GALNT18: variants seen among roughly 807,000 people sequenced by gnomAD.
GALNT18 encodes GalNAc-transferase 18.
Under a neutral mutation model 69.5 loss-of-function variants are expected in GALNT18, and 44 were observed. The ratio of observed to expected loss-of-function variants is 0.63; its 90% CI spans 0.50 to 0.81. GALNT18 has a LOEUF of 0.81. GALNT18 is among the 40% of genes least tolerant of loss of function. The pLI is 0.00. For synonymous variants in GALNT18, 364 were observed against 318.2 expected, an observed-to-expected ratio of 1.14 and a Z score of -1.53; for missense variants, 715 against 810.0, an observed-to-expected ratio of 0.88 and a Z score of 1.42.
Position 11,337,798 on chromosome 11 carries a change from C to A in GALNT18, c.1278+3021G>T, listed in dbSNP as rs1022185167. Among the ~76,000 whole-genome samples, 4 of 151,940 alleles carry A rather than the reference C, an allele frequency of 2.6e-5. No individual in the cohort carries two copies. In the South Asian group the frequency reaches 8.3e-4, roughly 32 times the overall value. On this transcript the variant is annotated intron_variant, in intron 7 of 10. Coordinates refer to ENST00000227756, the MANE Select transcript of GALNT18 (RefSeq NM_198516.3). The surrounding 1 kb of genome is among the most constrained non-coding windows in gnomAD (Gnocchi z 4.9). ...TGTAATGGGCAGTTCCCATAGTCCA[C>A]GCAACGTATGCAGACTTCAAAACAG...
At chr11:11,539,466 C>T (rs1857861153) in intron 1 of GALNT18, among the ~76,000 whole-genome samples, 4 of 152,214 alleles carry the variant, frequency 2.6e-5, no homozygotes, top group African/African-American at 4.8e-5. Flanking sequence ...CTGAACACCT[C>T]GCTGCCCACA....
At chr11:11,531,871 C>T (rs1857656867) in intron 1 of GALNT18, among the ~76,000 whole-genome samples, 1 of 152,178 alleles carries the variant, frequency 6.6e-6, no homozygotes, top group Non-Finnish European at 1.5e-5. Context: ...CTGCTTCGGG[C>T]CAGGCCCCTT....
At chr11:11,515,714 G>T (rs1457892787) in intron 1 of GALNT18, among the ~76,000 whole-genome samples, 1 of 152,228 alleles carries the variant, frequency 6.6e-6, no homozygotes, top group African/African-American at 2.4e-5. Flanking sequence ...CCTAACCAAA[G>T]ACCTGAACAC....
intron 3 of GALNT18, among the ~76,000 whole-genome samples, chr11:11,385,726 G>A (rs952011628): frequency 2.6e-5 from 4 of 152,092 alleles, no homozygotes; most frequent in African/African-American, 9.7e-5. Flanking sequence ...GGGAGGAATT[G>A]GGGCATGAAT....
At chr11:11,420,698 G>A (rs1854984514) in intron 3 of GALNT18, among the ~76,000 whole-genome samples, 3 of 152,184 alleles carry the variant, frequency 2.0e-5, no homozygotes, top group African/African-American at 7.2e-5. Flanking sequence ...AGATAGGCTG[G>A]GTGCCAAGAA....
chr11:11,465,914 A>C lies in GALNT18; in HGVS notation c.236-16978T>G, dbSNP rs1036498839. Reference sequence around the variant, plus strand: ...ATGGCTCACCAGTGCTCTGCTCAACATAGGGGGTAGGAAGGTCTCCCAGAT... The same window carrying C: ...ATGGCTCACCAGTGCTCTGCTCAACCTAGGGGGTAGGAAGGTCTCCCAGAT... On this transcript the variant is annotated intron_variant, in intron 1 of 10. Coordinates refer to ENST00000227756, the MANE Select transcript of GALNT18 (RefSeq NM_198516.3). This position sits in a 1 kb window ranked among gnomAD's most constrained non-coding sequence, Gnocchi z 5.7. Among the ~76,000 whole-genome samples the C allele has an allele frequency of 2.0e-5, 3 of 152,104 alleles. No homozygotes were observed. Among genetic ancestry groups the C allele is most frequent in the African/African-American group, 4.8e-5 (2 of 41,402 alleles).
chr11:11,372,695 G>C lies in GALNT18; in HGVS notation c.978-66C>G, dbSNP rs1270257833. On this transcript the variant is annotated intron_variant, in intron 5 of 10. Transcript: ENST00000227756. This position sits in a 1 kb window ranked among gnomAD's most constrained non-coding sequence, Gnocchi z 4.9. ...CTGTCCGAGGAGTAAGAGCAGTAAG[G>C]CCTTCCTATCAGGAGGGTCTGGTTC... The C allele has an allele frequency of 1.0e-5, 13 of 1,241,652 alleles. No individual in the cohort carries two copies. In the East Asian group the frequency reaches 1.4e-4, roughly 14 times the overall value. The allele number at this position is 1,241,652 out of a possible 1,614,324, so 76.9% of individuals were successfully genotyped here.
intron 6 of GALNT18, among the ~76,000 whole-genome samples, chr11:11,358,407 C>T (rs7114548): frequency 0.25 from 34,387 of 139,470 alleles, 9,500 homozygotes; most frequent in African/African-American, 0.42. Flanking sequence ...TAGCCAATGG[C>T]ACCCTGAAAC....
intron 9 of GALNT18, among the ~76,000 whole-genome samples, chr11:11,307,959 C>T (rs1005131591): frequency 5.3e-5 from 8 of 152,206 alleles, no homozygotes; most frequent in African/African-American, 1.7e-4. Flanking sequence ...AGCACAAAAG[C>T]TGGGGGCCAG....
At chr11:11,289,705 G>C (rs920714724) in intron 10 of GALNT18, among the ~76,000 whole-genome samples, 1 of 152,206 alleles carries the variant, frequency 6.6e-6, no homozygotes, top group Non-Finnish European at 1.5e-5. Context: ...GGACCTCAGA[G>C]CGTGGGTGGG....
rs540487695 is a variant in GALNT18, at chr11:11,568,790, C to T, written c.235+52569G>A. On this transcript the variant is annotated intron_variant, in intron 1 of 10. Coordinates refer to ENST00000227756, the MANE Select transcript of GALNT18 (RefSeq NM_198516.3). ...AGTCATTCCCTCTGTCTAAACTGAT[C>T]AGTGGTTTTCAAACCCAGCATTGGT... is the stretch of plus-strand genomic sequence containing the variant. Among the ~76,000 whole-genome samples the T allele has an allele frequency of 2.0e-5, 3 of 152,284 alleles. No homozygotes were observed. In the South Asian group the frequency reaches 6.2e-4, roughly 32 times the overall value.
At chr11:11,556,475 G>A (rs540076862) in intron 1 of GALNT18, among the ~76,000 whole-genome samples, 24 of 152,326 alleles carry the variant, frequency 1.6e-4, no homozygotes, top group East Asian at 3.9e-4. Context: ...AAGTGAGTTC[G>A]TCTCACTTCT....
chr11:11,290,199 T>C lies in GALNT18; in HGVS notation c.1677+2830A>G, dbSNP rs562411610. Among the ~76,000 whole-genome samples the C allele has an allele frequency of 5.3e-4, 80 of 152,300 alleles. 1 individual carries two copies. The South Asian group carries it at 0.016, about 31-fold the overall frequency. ...AGTCCCTAGGATTGGCCTTAGAGCC[T>C]GTGCTAAGAGGAGACTTTGGGGGCT... On this transcript the variant is annotated intron_variant, in intron 10 of 10. Transcript: ENST00000227756.
At chr11:11,326,938 C>T (rs77738930) in intron 9 of GALNT18, 148 bp downstream of exon 9, 10,932 of 615,118 alleles carry the variant, frequency 0.018, 438 homozygotes, top group African/African-American at 0.11. Context: ...TGAGGATGTG[C>T]CCTAATGAAA....
Position 11,421,053 on chromosome 11 carries a change from G to T in GALNT18, c.595+11568C>A, listed in dbSNP as rs577219072. 2.6e-5 allele frequency among the ~76,000 whole-genome samples: 4 copies of T among 152,268 alleles called. No individual in the cohort carries two copies. In the South Asian group the frequency reaches 8.3e-4, roughly 32 times the overall value. On this transcript the variant is annotated intron_variant, in intron 3 of 10. Transcript: ENST00000227756. The surrounding 1 kb of genome is among the most constrained non-coding windows in gnomAD (Gnocchi z 5.6). The stretch of plus-strand genomic sequence containing the variant: ...GAGCTCATGAGCAAAAAGAAGGAAG[G>T]TCCTTTGCCCTCCCAGGTGCTGTCC...
At chr11:11,319,985 A>C (rs924133030) in intron 9 of GALNT18, among the ~76,000 whole-genome samples, 1 of 152,140 alleles carries the variant, frequency 6.6e-6, no homozygotes, top group African/African-American at 2.4e-5. Context: ...TAACAACTCC[A>C]CAAAGTTAGT....
chr11:11,612,749 GAATGAACCTATTC>G (rs1859941026), intron 1 of GALNT18, among the ~76,000 whole-genome samples: 1 of 152,200 alleles, frequency 6.6e-6, no homozygotes, highest in African/African-American at 2.4e-5. Flanking sequence ...TGCATTTGTA[GAATGAACCTATTC>G]ACGCTAAAGA....
intron 5 of GALNT18, among the ~76,000 whole-genome samples, chr11:11,373,679 G>A (rs1211502806): frequency 2.6e-5 from 4 of 152,364 alleles, no homozygotes; most frequent in African/African-American, 7.2e-5. Flanking sequence ...TTCCTTGAGG[G>A]CTGTGAGCTT....
chr11:11,322,140 T>C (rs1002924445), intron 9 of GALNT18, among the ~76,000 whole-genome samples: 9 of 152,244 alleles, frequency 5.9e-5, no homozygotes, highest in African/African-American at 2.2e-4. Flanking sequence ...ATGTGTTAAA[T>C]CCTCACAACA....
Sources: allele counts gnomAD v4.1 joint callset (sites outside exome capture counted in the v4.1 genomes callset), GRCh38; gene constraint gnomAD v4.1.1; non-coding constraint Gnocchi (gnomAD v3.1); transcripts MANE v1.5; gene names NCBI Gene and HGNC (gene_info 2026-07-23, HGNC 2026-07-21).